FIRRM: variants seen among roughly 807,000 people sequenced by gnomAD.
FIRRM encodes FIGNL1 interacting regulator of recombination and mitosis, also known as FIGNL1-interacting regulator of recombination and mitosis.
chr1:169,819,424 A>T, the FIRRM span, among the ~76,000 whole-genome samples: 67 of 152,360 alleles, frequency 4.4e-4, no homozygotes, highest in African/African-American at 1.5e-3. Flanking sequence ...TATATACCAA[A>T]GCTCTGTGAA....
chr1:169,850,582 G>GGA, the FIRRM span: 1 of 356,536 alleles, frequency 2.8e-6, no homozygotes, highest in African/African-American at 2.1e-5. Flanking sequence ...TGGATCATGA[G>GGA]GTCAGGAGTT....
the FIRRM span, among the ~76,000 whole-genome samples, chr1:169,791,141 G>A: frequency 6.6e-6 from 1 of 152,206 alleles, no homozygotes; most frequent in African/African-American, 2.4e-5. Flanking sequence ...GTGCAGCTCA[G>A]TTCCTAACAG....
chr1:169,849,631 T>C, the FIRRM span: 4 of 1,507,550 alleles, frequency 2.7e-6, no homozygotes, highest in Non-Finnish European at 3.7e-6. Context: ...TTTATCACAG[T>C]GACTTTCAAA....
the FIRRM span, among the ~76,000 whole-genome samples, chr1:169,824,601 AGTTCTTGTTAAGGTCATCAGT>A: frequency 6.6e-6 from 1 of 152,200 alleles, no homozygotes; most frequent in Non-Finnish European, 1.5e-5. Context: ...TCATCAAAAT[AGTTCTTGTTAAGGTCATCAGT>A]GACCACCACA....
the FIRRM span, chr1:169,792,810 T>C: frequency 1.2e-6 from 2 of 1,613,352 alleles, no homozygotes; most frequent in East Asian, 2.2e-5. Context: ...GGGTTGTAAA[T>C]GGTTTCTGAG....
the FIRRM span, among the ~76,000 whole-genome samples, chr1:169,800,009 C>T: frequency 6.6e-6 from 1 of 152,088 alleles, no homozygotes; most frequent in Non-Finnish European, 1.5e-5. Flanking sequence ...CAGGTCTGAG[C>T]CATGATGCTT....
the FIRRM span, among the ~76,000 whole-genome samples, chr1:169,811,655 G>GATAGATAGATAGATAGATAATCTAA: frequency 2.6e-5 from 4 of 151,880 alleles, no homozygotes; most frequent in East Asian, 1.9e-4. Flanking sequence ...AGCTTGTCTA[G>GATAGATAGATAGATAGATAATCTAA]ATAGATAGAT....
the FIRRM span, among the ~76,000 whole-genome samples, chr1:169,790,124 A>G: frequency 2.6e-5 from 4 of 152,026 alleles, no homozygotes; most frequent in Non-Finnish European, 4.4e-5. Flanking sequence ...GCTGCCAGCT[A>G]TCTTGGGTAG....
the FIRRM span, among the ~76,000 whole-genome samples, chr1:169,833,619 G>T: frequency 0.6 from 91,113 of 151,918 alleles, 27,666 homozygotes; most frequent in Middle Eastern, 0.77. Flanking sequence ...TCTGACTAGG[G>T]TTTTTGCCTC....
At chr1:169,795,838 T>G in the FIRRM span, 3 of 845,630 alleles carry the variant, frequency 3.5e-6, no homozygotes, top group African/African-American at 1.6e-4. Flanking sequence ...GGCTGGAGTC[T>G]TTCTGAAAGA....
At chr1:169,814,938 A>G in the FIRRM span, among the ~76,000 whole-genome samples, 1 of 151,910 alleles carries the variant, frequency 6.6e-6, no homozygotes, top group Non-Finnish European at 1.5e-5. Context: ...GGTACATTTC[A>G]GTTTTCACTA....
At chr1:169,791,632 CTAGT>C in the FIRRM span, among the ~76,000 whole-genome samples, 1 of 152,180 alleles carries the variant, frequency 6.6e-6, no homozygotes, top group Non-Finnish European at 1.5e-5. Flanking sequence ...ACAGTAAATG[CTAGT>C]TAGCTATTAT....
At chr1:169,846,110 T>A in the FIRRM span, among the ~76,000 whole-genome samples, 2 of 152,322 alleles carry the variant, frequency 1.3e-5, no homozygotes, top group South Asian at 4.1e-4. Flanking sequence ...ATACGTCTCC[T>A]TCAGAGCGCC....
the FIRRM span, chr1:169,827,892 G>T: frequency 1.3e-6 from 2 of 1,580,242 alleles, no homozygotes; most frequent in African/African-American, 1.4e-5. Context: ...AGAAGGCCCT[G>T]TTGTTTGGAA....
the FIRRM span, among the ~76,000 whole-genome samples, chr1:169,788,195 C>A: frequency 6.6e-6 from 1 of 152,168 alleles, no homozygotes; most frequent in African/African-American, 2.4e-5. Flanking sequence ...GACCCTTGAA[C>A]AACATGAATT....
the FIRRM span, among the ~76,000 whole-genome samples, chr1:169,819,450 T>C: frequency 6.6e-6 from 1 of 152,134 alleles, no homozygotes; most frequent in African/African-American, 2.4e-5. Flanking sequence ...TTATGATACC[T>C]CCAAAGTGAA....
the FIRRM span, chr1:169,827,668 A>G: frequency 1.1e-5 from 18 of 1,609,856 alleles, no homozygotes; most frequent in Non-Finnish European, 1.5e-5. Context: ...TTTACGTATT[A>G]ATCAGATTTC....
chr1:169,843,352 A>C, the FIRRM span, among the ~76,000 whole-genome samples: 1 of 152,224 alleles, frequency 6.6e-6, no homozygotes, highest in Non-Finnish European at 1.5e-5. Context: ...AAGATTACTA[A>C]GGAACATACA....
At chr1:169,821,621 G>A in the FIRRM span, 1 of 1,255,288 alleles carries the variant, frequency 8.0e-7, no homozygotes, top group Non-Finnish European at 1.1e-6. Flanking sequence ...TGTAAGCTTA[G>A]CTAATTTTAT....
Sources: gnomAD v4.1 joint callset for allele counts (sites outside exome capture counted in the v4.1 genomes callset) on GRCh38, gnomAD v4.1.1 for gene constraint, MANE v1.5 for transcripts, NCBI Gene and HGNC (gene_info 2026-07-23, HGNC 2026-07-21) for gene names.